UTRN: variants seen among roughly 807,000 people sequenced by gnomAD.
The protein encoded by UTRN is dystrophin-related protein 1.
A neutral mutation model predicts 463.9 loss-of-function variants in UTRN; 283 were observed. That is an observed-to-expected ratio of 0.61 (90% CI 0.55 to 0.67). UTRN has a LOEUF of 0.67. Among genes scored for constraint, UTRN ranks in the 30% least tolerant of loss-of-function variants. The probability of loss-of-function intolerance (pLI) is 0.00; values close to 1 mark genes in which losing one functional copy is unlikely to be tolerated. For synonymous variants in UTRN, 1,442 were observed against 1,431.5 expected (o/e 1.01, Z -0.17); for missense variants, 3,922 against 4,084.3 (o/e 0.96, Z 1.08).
At chr6:144,771,998 C>A (rs1050488883) in intron 59 of UTRN, 30 bp downstream of exon 59, 11 of 481,470 alleles carry the variant, frequency 2.3e-5, no homozygotes, top group African/African-American at 1.5e-4. Flanking sequence ...ATAAATTAAC[C>A]TAAACAACTG....
chr6:144,661,147 G>C (rs1190295510), intron 51 of UTRN, among the ~76,000 whole-genome samples: 1 of 152,196 alleles, frequency 6.6e-6, no homozygotes, highest in East Asian at 1.9e-4. Context: ...CTTTCACCGT[G>C]AATGCCCCAT....
intron 2 of UTRN, among the ~76,000 whole-genome samples, chr6:144,336,356 G>T (rs1164889630): frequency 6.6e-6 from 1 of 152,218 alleles, no homozygotes; most frequent in Non-Finnish European, 1.5e-5. Flanking sequence ...TGGAGAGCCA[G>T]CCAGAAGACA....
chr6:144,818,084 T>A (rs1779241410), intron 65 of UTRN, among the ~76,000 whole-genome samples: 1 of 152,194 alleles, frequency 6.6e-6, no homozygotes, highest in Admixed American at 6.5e-5. Flanking sequence ...TTTGAATAAT[T>A]TGTCATTTTT....
rs562618742 is a variant in UTRN, at chr6:144,851,089, A to G, written c.*92A>G. ...CAAGTTCCATTAAATCAGAAGCTCC[A>G]TGGCTCCTTGGCCCACGATGTTGAG... On this transcript the variant is annotated 3_prime_UTR_variant, in exon 75 of 75. Transcript: ENST00000367545. 6 of 1,555,206 alleles carry G rather than the reference A, an allele frequency of 3.9e-6. No homozygotes were observed. Among genetic ancestry groups the G allele is most frequent in the Admixed American group, 1.7e-5 (1 of 59,846 alleles).
chr6:144,650,352 T>C (rs1017585288), intron 51 of UTRN, among the ~76,000 whole-genome samples: 2 of 152,214 alleles, frequency 1.3e-5, no homozygotes, highest in African/African-American at 4.8e-5. Context: ...TATCAAAAAA[T>C]ATTAAGATAT....
At chr6:144,545,881 G>A (rs750644498) in intron 46 of UTRN, among the ~76,000 whole-genome samples, 24 of 152,246 alleles carry the variant, frequency 1.6e-4, no homozygotes, top group Non-Finnish European at 2.5e-4. Flanking sequence ...TTAGCTGGGC[G>A]TGGTGGCGGG....
At chr6:144,804,775 C>T (rs78769176) in intron 65 of UTRN, among the ~76,000 whole-genome samples, 7 of 152,124 alleles carry the variant, frequency 4.6e-5, no homozygotes, top group Non-Finnish European at 8.8e-5. Flanking sequence ...TTGAGAAAGA[C>T]ACTCCTGAGT....
chr6:144,809,400 G>A (rs1221203513), intron 65 of UTRN, among the ~76,000 whole-genome samples: 1 of 152,108 alleles, frequency 6.6e-6, no homozygotes, highest in Non-Finnish European at 1.5e-5. Flanking sequence ...TGAAGGCCAA[G>A]GGAGTGAAAA....
chr6:144,635,918 G>T (rs1777122730), intron 51 of UTRN, among the ~76,000 whole-genome samples: 1 of 151,788 alleles, frequency 6.6e-6, no homozygotes, highest in South Asian at 2.1e-4. Context: ...CTTTCCTTTG[G>T]CTGTGACTTC....
intron 33 of UTRN, among the ~76,000 whole-genome samples, chr6:144,494,105 T>C (rs1290248313): frequency 6.6e-6 from 1 of 152,222 alleles, no homozygotes; most frequent in East Asian, 1.9e-4. Context: ...GTAATATATG[T>C]TCATTGTGGT....
chr6:144,394,231 T>C (rs1267806159), intron 2 of UTRN, among the ~76,000 whole-genome samples: 3 of 152,188 alleles, frequency 2.0e-5, no homozygotes, highest in Non-Finnish European at 4.4e-5. Context: ...TCTCTTCTTA[T>C]GCTGCTAATA....
At chr6:144,499,145 C>A in intron 33 of UTRN, 112 bp from the exon 34 acceptor site, 1 of 1,178,724 alleles carries the variant, frequency 8.5e-7, no homozygotes, top group Non-Finnish European at 1.2e-6. Flanking sequence ...TTATGTATGT[C>A]TTGGGGGTTA....
intron 51 of UTRN, among the ~76,000 whole-genome samples, chr6:144,629,080 A>G (rs1042183636): frequency 2.6e-5 from 4 of 152,244 alleles, no homozygotes; most frequent in Admixed American, 6.5e-5. Flanking sequence ...GGCCAATAGC[A>G]GTACTTATCC....
At chr6:144,383,270 A>T (rs186677002) in intron 2 of UTRN, among the ~76,000 whole-genome samples, 36 of 152,258 alleles carry the variant, frequency 2.4e-4, no homozygotes, top group Admixed American at 1.6e-3. Flanking sequence ...CAGAGCTGGA[A>T]CATCCAACTC....
At chr6:144,699,167 C>T (rs1051447643) in intron 52 of UTRN, among the ~76,000 whole-genome samples, 1 of 152,024 alleles carries the variant, frequency 6.6e-6, no homozygotes, top group Non-Finnish European at 1.5e-5. Flanking sequence ...AGACCAGGCG[C>T]GGTGGCTCAC....
At chr6:144,757,817 C>G in intron 57 of UTRN, 112 bp from the exon 58 acceptor site, 1 of 922,388 alleles carries the variant, frequency 1.1e-6, no homozygotes, top group Non-Finnish European at 1.6e-6. Context: ...GAATCCAGCT[C>G]AGAAACCAGA....
chr6:144,545,387 A>G (rs1798312062), intron 46 of UTRN, among the ~76,000 whole-genome samples: 2 of 152,218 alleles, frequency 1.3e-5, no homozygotes, highest in South Asian at 2.1e-4. Context: ...GTCTGGCCTT[A>G]GTCCAGAACA....
chr6:144,434,126 C>T (rs533795550), intron 9 of UTRN, among the ~76,000 whole-genome samples: 24 of 152,336 alleles, frequency 1.6e-4, no homozygotes, highest in South Asian at 2.1e-4. Flanking sequence ...GGATCACTCG[C>T]GGTCAGGAGC....
intron 25 of UTRN, among the ~76,000 whole-genome samples, chr6:144,475,090 A>G (rs1791053805): frequency 6.6e-6 from 1 of 152,226 alleles, no homozygotes. Context: ...CCTGTCAAGC[A>G]TCATTCTAGG....
Sources: gnomAD v4.1 joint callset for allele counts (sites outside exome capture counted in the v4.1 genomes callset) on GRCh38, gnomAD v4.1.1 for gene constraint, MANE v1.5 for transcripts, NCBI Gene and HGNC (gene_info 2026-07-23, HGNC 2026-07-21) for gene names.